DLG2: variants seen among roughly 807,000 people sequenced by gnomAD.
DLG2 encodes disks large homolog 2.
In DLG2, 45 loss-of-function variants were observed where a neutral mutation model predicts 132.5. The observed-to-expected ratio is 0.34, with a 90% CI of 0.27 to 0.44. DLG2 has a LOEUF of 0.44. Among genes scored for constraint, DLG2 ranks in the 20% least tolerant of loss-of-function variants. DLG2 has a pLI of 1.00. For synonymous variants in DLG2, 424 were observed against 419.6 expected (o/e 1.01, Z -0.13); for missense variants, 1,045 against 1,196.9 (o/e 0.87, Z 1.87).
Position 85,575,635 on chromosome 11 carries a change from T to C in DLG2, c.40+23022A>G, listed in dbSNP as rs188254132. Among the ~76,000 whole-genome samples the C allele has an allele frequency of 1.4e-4, 21 of 152,244 alleles. No individual in the cohort carries two copies. In the East Asian group the frequency reaches 2.1e-3, roughly 15 times the overall value. On this transcript the variant is annotated intron_variant, in intron 3 of 27. Coordinates refer to ENST00000376104, the MANE Select transcript of DLG2 (RefSeq NM_001142699.3). Reference sequence around the variant, plus strand: ...GCATACTACTACCTTTGCATTTGCATTGCATTTGCATTTGCTTTCTCCTTT... The same window carrying C: ...GCATACTACTACCTTTGCATTTGCACTGCATTTGCATTTGCTTTCTCCTTT...
intron 4 of DLG2, among the ~76,000 whole-genome samples, chr11:85,274,304 T>C (rs1398804595): frequency 6.6e-6 from 1 of 152,152 alleles, no homozygotes; most frequent in East Asian, 1.9e-4. Context: ...AGGTGGGCCA[T>C]TGTTATCATA....
intron 7 of DLG2, among the ~76,000 whole-genome samples, chr11:84,442,026 T>C (rs1489856765): frequency 3.9e-5 from 6 of 152,218 alleles, no homozygotes; most frequent in Non-Finnish European, 5.9e-5. Flanking sequence ...TGTAGTCTTA[T>C]AGTATAGTTT....
chr11:84,844,203 G>T (rs1426221947), intron 6 of DLG2, among the ~76,000 whole-genome samples: 1 of 140,386 alleles, frequency 7.1e-6, no homozygotes, highest in Non-Finnish European at 1.5e-5. Flanking sequence ...TGAATATGAT[G>T]ATGATGATGG....
At chr11:84,958,054 G>T (rs921437828) in intron 6 of DLG2, among the ~76,000 whole-genome samples, 1 of 152,016 alleles carries the variant, frequency 6.6e-6, no homozygotes, top group South Asian at 2.1e-4. Context: ...TTTCTGGGGT[G>T]TTATAAAAAT....
Position 83,784,015 on chromosome 11 carries a change from G to A in DLG2, c.1825+2675C>T, listed in dbSNP as rs1024307915. On this transcript the variant is annotated intron_variant, in intron 18 of 27. Coordinates refer to ENST00000376104, the MANE Select transcript of DLG2 (RefSeq NM_001142699.3). ...TAAGGTTAGGGGCAGATTTTTGTGAGCATCTGATAATACTGACAGATACAT... is the reference window on the plus strand; with the variant it reads ...TAAGGTTAGGGGCAGATTTTTGTGAACATCTGATAATACTGACAGATACAT... 3.3e-5 allele frequency among the ~76,000 whole-genome samples: 5 copies of A among 152,138 alleles called. No homozygotes were observed. The East Asian group carries it at 9.6e-4, about 29-fold the overall frequency.
chr11:85,081,274 T>C (rs148582072), intron 6 of DLG2, among the ~76,000 whole-genome samples: 3 of 152,318 alleles, frequency 2.0e-5, no homozygotes, highest in African/African-American at 4.8e-5. Context: ...GTAAACTCTA[T>C]ATTATAGCAG....
At chr11:84,522,987 A>G (rs903188152) in intron 7 of DLG2, among the ~76,000 whole-genome samples, 8 of 152,332 alleles carry the variant, frequency 5.3e-5, no homozygotes, top group African/African-American at 1.9e-4. Context: ...GCTAACCAAC[A>G]TGACATTCAC....
chr11:84,364,353 T>C (rs891185644), intron 7 of DLG2, among the ~76,000 whole-genome samples: 3 of 152,176 alleles, frequency 2.0e-5, no homozygotes, highest in Non-Finnish European at 4.4e-5. Flanking sequence ...TTTTTGTACA[T>C]TGATTTTGTA....
chr11:84,434,732 C>A (rs976202736), intron 7 of DLG2, among the ~76,000 whole-genome samples: 9 of 151,914 alleles, frequency 5.9e-5, no homozygotes, highest in Admixed American at 2.0e-4. Flanking sequence ...GTAGACAAGA[C>A]AACTAGTAAT....
chr11:84,550,980 G>C (rs966895741), intron 6 of DLG2, among the ~76,000 whole-genome samples: 3 of 152,116 alleles, frequency 2.0e-5, no homozygotes, highest in Non-Finnish European at 4.4e-5. Context: ...CAGGGGTCCA[G>C]GTAGGCAACC....
At chr11:83,773,014 G>A (rs911799934) in intron 18 of DLG2, among the ~76,000 whole-genome samples, 4 of 152,148 alleles carry the variant, frequency 2.6e-5, no homozygotes, top group Non-Finnish European at 4.4e-5. Context: ...ATACCACCAA[G>A]CATTCACTCA....
chr11:85,482,694 A>C (rs1477955107), intron 3 of DLG2, among the ~76,000 whole-genome samples: 1 of 151,914 alleles, frequency 6.6e-6, no homozygotes, highest in African/African-American at 2.4e-5. Context: ...TGTGATCCTA[A>C]GCTCCAAACC....
At chr11:85,409,232 G>T (rs939003747) in intron 3 of DLG2, among the ~76,000 whole-genome samples, 1 of 151,680 alleles carries the variant, frequency 6.6e-6, no homozygotes, top group African/African-American at 2.4e-5. Context: ...TTAACCCCAG[G>T]TCACATAGCC....
chr11:85,028,951 C>T (rs1047924337), intron 6 of DLG2, among the ~76,000 whole-genome samples: 2 of 152,080 alleles, frequency 1.3e-5, no homozygotes, highest in African/African-American at 4.8e-5. Flanking sequence ...TCTCAGTGGC[C>T]GCTCCACACA....
At chr11:84,933,993 G>T (rs1210178597) in intron 6 of DLG2, among the ~76,000 whole-genome samples, 2 of 152,156 alleles carry the variant, frequency 1.3e-5, no homozygotes, top group African/African-American at 2.4e-5. Context: ...GATGTTGGTT[G>T]TCGGTTTGTT....
chr11:83,491,891 A>C (rs1309973384), intron 21 of DLG2, among the ~76,000 whole-genome samples: 1 of 150,494 alleles, frequency 6.6e-6, no homozygotes. Context: ...AACTTACTTC[A>C]ATCACACTTC....
chr11:84,537,193 G>A (rs2099357629), intron 6 of DLG2, among the ~76,000 whole-genome samples: 2 of 152,048 alleles, frequency 1.3e-5, no homozygotes, highest in African/African-American at 2.4e-5. Flanking sequence ...TGCAACCTCT[G>A]CTTCCCGAGT....
At chr11:85,501,896 G>C (rs1410684733) in intron 3 of DLG2, among the ~76,000 whole-genome samples, 1 of 152,100 alleles carries the variant, frequency 6.6e-6, no homozygotes, top group Non-Finnish European at 1.5e-5. Flanking sequence ...AATACCATTT[G>C]ACCCATCAAT....
chr11:84,370,924 A>T lies in DLG2; in HGVS notation c.520-119633T>A, dbSNP rs148717147. On this transcript the variant is annotated intron_variant, in intron 7 of 27. Coordinates refer to ENST00000376104, the MANE Select transcript of DLG2 (RefSeq NM_001142699.3). Reference sequence around the variant, plus strand: ...GGCAGGTGGTGGGAGGAGGGCATCTAGGGGTCTATTTTATCAAAGGTTATA... The same window carrying T: ...GGCAGGTGGTGGGAGGAGGGCATCTTGGGGTCTATTTTATCAAAGGTTATA... Among the ~76,000 whole-genome samples the T allele has an allele frequency of 3.1e-3, 468 of 152,214 alleles. 1 individual carries two copies. Among genetic ancestry groups the T allele is most frequent in the African/African-American group, 0.011 (452 of 41,550 alleles).
Sources: allele counts gnomAD v4.1 joint callset (sites outside exome capture counted in the v4.1 genomes callset), GRCh38; gene constraint gnomAD v4.1.1; transcripts MANE v1.5; gene names NCBI Gene and HGNC (gene_info 2026-07-23, HGNC 2026-07-21).